Variants in CDH22 observed in about 807,000 individuals in gnomAD.
CDH22 encodes the protein cadherin 22, also known as cadherin-22.
CDH22 carries 30 observed loss-of-function variants against 58.4 expected under a neutral mutation model. The observed-to-expected ratio is 0.51, with a 90% CI of 0.38 to 0.70. The LOEUF (loss-of-function observed/expected upper bound fraction) is 0.70. Ranked by LOEUF, CDH22 falls within the 30% of genes least tolerant of loss-of-function variation. The probability of loss-of-function intolerance (pLI) is 0.00; values close to 1 mark genes in which losing one functional copy is unlikely to be tolerated. For synonymous variants in CDH22, 513 were observed against 558.2 expected, an observed-to-expected ratio of 0.92 and a Z score of 1.14; for missense variants, 1,014 against 1,233.9, an observed-to-expected ratio of 0.82 and a Z score of 2.67.
At chr20:46,264,376 A>G (rs184898959) in intron 1 of CDH22, among the ~76,000 whole-genome samples, 128 of 152,320 alleles carry the variant, frequency 8.4e-4, no homozygotes, top group African/African-American at 2.8e-3. Flanking sequence ...ATTCTGAGTC[A>G]GTGAGAATAA....
rs200925211 is a variant in CDH22, at chr20:46,210,527, C to T, written c.1066G>A (p.Val356Met). The T allele has an allele frequency of 7.3e-5, 105 of 1,433,754 alleles. No individual in the cohort carries two copies. In the Middle Eastern group the frequency reaches 7.5e-4, roughly 10 times the overall value. 88.8% of individuals were successfully genotyped at this position (1,433,754 alleles called of 1,614,324 possible). A position where few individuals can be genotyped will look rare whatever the true frequency, so the allele number is the denominator to read the frequency against. Residue 356 changes from valine (V) to methionine (M), a missense_variant, in exon 7 of 12, where the codon GTG becomes ATG. Transcript: ENST00000537909. This position sits in a 1 kb window ranked among gnomAD's most constrained non-coding sequence, Gnocchi z 4.5. ...AACTTGTTGAGGGCCTCCAGGATCA[C>T]GGTGTGCACGGGCTGGGATTCGAAG... ...LDFESQPVHT[V>M]ILEALNKFVD...
At chr20:46,200,118 T>C (rs536955332) in intron 7 of CDH22, among the ~76,000 whole-genome samples, 13 of 151,928 alleles carry the variant, frequency 8.6e-5, no homozygotes, top group African/African-American at 1.4e-4. Context: ...GGACTACAGG[T>C]GCCCGCCACC....
At chr20:46,217,836 GA>G (rs2086096811) in intron 4 of CDH22, among the ~76,000 whole-genome samples, 1 of 151,654 alleles carries the variant, frequency 6.6e-6, no homozygotes, top group Admixed American at 6.6e-5. Context: ...AACACACACA[GA>G]CACACTAACA....
intron 11 of CDH22, among the ~76,000 whole-genome samples, chr20:46,177,645 T>A (rs190393702): frequency 6.6e-6 from 1 of 152,256 alleles, no homozygotes; most frequent in Admixed American, 6.5e-5. Flanking sequence ...AAGTCCTACA[T>A]AGAGACTAAA....
At chr20:46,204,944 T>G (rs1055059959) in intron 7 of CDH22, among the ~76,000 whole-genome samples, 1 of 152,148 alleles carries the variant, frequency 6.6e-6, no homozygotes, top group Admixed American at 6.6e-5. Context: ...CTGGTGTGCC[T>G]GTGTGTGAGT....
chr20:46,175,171 C>T (rs1051710495), intron 11 of CDH22, 94 bp from the exon 12 acceptor site: 2 of 1,227,780 alleles, frequency 1.6e-6, no homozygotes, highest in Non-Finnish European at 2.2e-6. Flanking sequence ...TCCCACCCAG[C>T]AGAGCGGGCC....
intron 1 of CDH22, among the ~76,000 whole-genome samples, chr20:46,291,638 A>G (rs1279512817): frequency 2.6e-5 from 4 of 152,144 alleles, no homozygotes; most frequent in African/African-American, 9.7e-5. Flanking sequence ...CCCCTGCTGC[A>G]CTGATGAAGT....
chr20:46,175,662 T>C (rs2085733188), intron 11 of CDH22, among the ~76,000 whole-genome samples: 1 of 152,168 alleles, frequency 6.6e-6, no homozygotes, highest in Non-Finnish European at 1.5e-5. Flanking sequence ...CCTTCCTCTA[T>C]CATACTGGTT....
chr20:46,289,415 C>T (rs2086590661), intron 1 of CDH22, among the ~76,000 whole-genome samples: 1 of 152,144 alleles, frequency 6.6e-6, no homozygotes, highest in African/African-American at 2.4e-5. Context: ...GGGGTGTTGT[C>T]TTTTTTGCTT....
At chr20:46,213,697 G>C (rs2086061336) in intron 5 of CDH22, among the ~76,000 whole-genome samples, 1 of 152,188 alleles carries the variant, frequency 6.6e-6, no homozygotes, top group Non-Finnish European at 1.5e-5. Context: ...AATAAATTGT[G>C]TTAAAATGGT....
intron 1 of CDH22, among the ~76,000 whole-genome samples, chr20:46,269,436 T>C (rs1203114943): frequency 1.3e-5 from 2 of 152,218 alleles, no homozygotes; most frequent in Admixed American, 6.5e-5. Flanking sequence ...TAGCTAACTT[T>C]TGTCAAGTGC....
chr20:46,292,560 A>G (rs6104536), intron 1 of CDH22, among the ~76,000 whole-genome samples: 51,442 of 152,022 alleles, frequency 0.34, 9,838 homozygotes, highest in African/African-American at 0.53. Context: ...CTGACAAATT[A>G]GGGTATCCGG....
chr20:46,261,007 C>CT (rs2086430672), intron 1 of CDH22, among the ~76,000 whole-genome samples: 1 of 152,156 alleles, frequency 6.6e-6, no homozygotes, highest in Non-Finnish European at 1.5e-5. Flanking sequence ...CCTGATAATC[C>CT]TTTTAACATT....
intron 3 of CDH22, among the ~76,000 whole-genome samples, chr20:46,239,882 T>G (rs537465257): frequency 2.6e-5 from 4 of 152,260 alleles, no homozygotes; most frequent in African/African-American, 9.6e-5. Context: ...GGCAGAGTCA[T>G]GCAGCTTTAG....
intron 9 of CDH22, 28 bp from the exon 10 acceptor site, chr20:46,186,733 T>C (rs923357890): frequency 9.3e-6 from 15 of 1,609,920 alleles, no homozygotes; most frequent in Non-Finnish European, 1.3e-5. Flanking sequence ...GATAGAGGGC[T>C]AGTGGTGAGG....
intron 1 of CDH22, among the ~76,000 whole-genome samples, chr20:46,284,695 C>T (rs77019103): frequency 0.033 from 5,006 of 152,208 alleles, 228 homozygotes; most frequent in East Asian, 0.22. Context: ...GAGCCAAGGC[C>T]ACAGGGCTGT....
chr20:46,246,731 A>G (rs2086332022), intron 2 of CDH22, among the ~76,000 whole-genome samples: 1 of 151,754 alleles, frequency 6.6e-6, no homozygotes, highest in Non-Finnish European at 1.5e-5. Context: ...AAAATAGGTT[A>G]CCGTCGGGCG....
At chr20:46,217,203 G>A (rs911854833) in intron 4 of CDH22, among the ~76,000 whole-genome samples, 1 of 151,768 alleles carries the variant, frequency 6.6e-6, no homozygotes, top group African/African-American at 2.4e-5. Flanking sequence ...TACAGATACA[G>A]ATACACATGC....
intron 3 of CDH22, among the ~76,000 whole-genome samples, chr20:46,233,961 A>G (rs1029841144): frequency 1.3e-5 from 2 of 152,220 alleles, no homozygotes; most frequent in African/African-American, 4.8e-5. Context: ...CTGCTGAGCT[A>G]CACTCTCTCC....
Sources: allele counts gnomAD v4.1 joint callset (sites outside exome capture counted in the v4.1 genomes callset), GRCh38; gene constraint gnomAD v4.1.1; non-coding constraint Gnocchi (gnomAD v3.1); transcripts MANE v1.5; gene names NCBI Gene and HGNC (gene_info 2026-07-23, HGNC 2026-07-21).